TMEM135: variants seen among roughly 807,000 people sequenced by gnomAD.
The protein encoded by TMEM135 is peroxisomal membrane protein 52.
A neutral mutation model predicts 60.3 loss-of-function variants in TMEM135; 30 were observed. That is an observed-to-expected ratio of 0.50 (90% CI 0.37 to 0.68). The LOEUF is 0.68. Among genes scored for constraint, TMEM135 ranks in the 30% least tolerant of loss-of-function variants. The probability of loss-of-function intolerance (pLI) is 0.00; values close to 1 mark genes in which losing one functional copy is unlikely to be tolerated. For synonymous variants in TMEM135, 190 were observed against 186.7 expected (o/e 1.02, Z -0.14); for missense variants, 468 against 548.8 (o/e 0.85, Z 1.47).
chr11:87,075,167 TA>T (rs1856844822), intron 3 of TMEM135, among the ~76,000 whole-genome samples: 1 of 152,128 alleles, frequency 6.6e-6, no homozygotes, highest in Non-Finnish European at 1.5e-5. Flanking sequence ...TTAATTAGTT[TA>T]TTTTTTTTGA....
At chr11:87,072,421 C>T (rs535543356) in intron 3 of TMEM135, among the ~76,000 whole-genome samples, 3 of 152,190 alleles carry the variant, frequency 2.0e-5, no homozygotes, top group Admixed American at 6.5e-5. Context: ...TGCTCTGTTG[C>T]GCAGGCTGGA....
intron 4 of TMEM135, among the ~76,000 whole-genome samples, chr11:87,130,215 C>T (rs914912024): frequency 1.3e-5 from 2 of 150,840 alleles, no homozygotes; most frequent in Non-Finnish European, 2.9e-5. Context: ...GTACCAGTTC[C>T]AGGATTCAGT....
chr11:87,080,935 C>G (rs771578942), intron 3 of TMEM135, among the ~76,000 whole-genome samples: 25 of 152,212 alleles, frequency 1.6e-4, no homozygotes, highest in Non-Finnish European at 2.9e-4. Flanking sequence ...ATCCACACGC[C>G]TTGGCCTCCC....
chr11:87,085,582 C>A (rs1857080015), intron 3 of TMEM135, among the ~76,000 whole-genome samples: 2 of 152,016 alleles, frequency 1.3e-5, no homozygotes, highest in South Asian at 2.1e-4. Context: ...CATGGTGAAA[C>A]CTTGCTCTAC....
At chr11:87,168,753 A>G (rs1054988699) in intron 5 of TMEM135, among the ~76,000 whole-genome samples, 10 of 152,144 alleles carry the variant, frequency 6.6e-5, no homozygotes, top group South Asian at 2.1e-4. Flanking sequence ...AAGAAGTTCT[A>G]TGTGGTGCTG....
intron 5 of TMEM135, among the ~76,000 whole-genome samples, chr11:87,189,917 T>G (rs1939756693): frequency 6.6e-6 from 1 of 151,780 alleles, no homozygotes; most frequent in Admixed American, 6.6e-5. Context: ...TCCTGTCTCA[T>G]AATGAATGAA....
chr11:87,064,004 C>A (rs920355114), intron 1 of TMEM135, among the ~76,000 whole-genome samples: 2 of 152,080 alleles, frequency 1.3e-5, no homozygotes, highest in African/African-American at 4.8e-5. Context: ...TTAATTATGT[C>A]TGGGTTATGG....
At chr11:87,070,655 A>AAC (rs1450194934) in intron 2 of TMEM135, among the ~76,000 whole-genome samples, 57 of 143,602 alleles carry the variant, frequency 4.0e-4, no homozygotes, top group African/African-American at 1.5e-3. Flanking sequence ...ACAACAACAA[A>AAC]AAACCAAACC....
At chr11:87,190,439 A>G (rs958399175) in intron 5 of TMEM135, among the ~76,000 whole-genome samples, 1 of 152,148 alleles carries the variant, frequency 6.6e-6, no homozygotes, top group African/African-American at 2.4e-5. Flanking sequence ...TTCTTTTTCA[A>G]TGGTGTTTTA....
chr11:87,180,463 G>T (rs1294117291), intron 5 of TMEM135, among the ~76,000 whole-genome samples: 1 of 152,082 alleles, frequency 6.6e-6, no homozygotes, highest in Non-Finnish European at 1.5e-5. Context: ...AAGATAAGGG[G>T]TCTAGGAGAC....
chr11:87,171,858 T>C (rs1181642202), intron 5 of TMEM135, among the ~76,000 whole-genome samples: 1 of 152,148 alleles, frequency 6.6e-6, no homozygotes, highest in Non-Finnish European at 1.5e-5. Flanking sequence ...GCACACAACC[T>C]AGATCCCTCC....
chr11:87,247,736 C>T (rs498123), intron 6 of TMEM135, among the ~76,000 whole-genome samples: 13,486 of 152,102 alleles, frequency 0.089, 761 homozygotes, highest in South Asian at 0.16. Context: ...GGGAGTGACC[C>T]GATTTTCCAG....
intron 4 of TMEM135, among the ~76,000 whole-genome samples, chr11:87,134,765 C>T (rs1027833825): frequency 2.6e-5 from 4 of 152,284 alleles, no homozygotes; most frequent in East Asian, 1.9e-4. Flanking sequence ...GGACTACAGG[C>T]GTGTGCAACT....
At chr11:87,141,669 A>G (rs1011450356) in intron 4 of TMEM135, among the ~76,000 whole-genome samples, 6 of 152,174 alleles carry the variant, frequency 3.9e-5, no homozygotes, top group African/African-American at 1.4e-4. Context: ...TTTTAGGTAG[A>G]AAGTTGTTCA....
At chr11:87,102,082 A>G (rs1195371026) in intron 4 of TMEM135, among the ~76,000 whole-genome samples, 1 of 152,232 alleles carries the variant, frequency 6.6e-6, no homozygotes, top group Non-Finnish European at 1.5e-5. Flanking sequence ...ATTCTCTGGC[A>G]GACACCAGCT....
chr11:87,185,577 A>G (rs1259167771), intron 5 of TMEM135, among the ~76,000 whole-genome samples: 1 of 152,136 alleles, frequency 6.6e-6, no homozygotes, highest in Non-Finnish European at 1.5e-5. Flanking sequence ...GACACATAAT[A>G]TCTGGTTGGC....
At chr11:87,197,163 A>G (rs1939979522) in intron 5 of TMEM135, among the ~76,000 whole-genome samples, 1 of 152,120 alleles carries the variant, frequency 6.6e-6, no homozygotes, top group African/African-American at 2.4e-5. Context: ...TCAGAGTATA[A>G]CAAATATTTT....
chr11:87,271,703 G>T (rs1486247246), intron 6 of TMEM135, among the ~76,000 whole-genome samples: 1 of 152,128 alleles, frequency 6.6e-6, no homozygotes, highest in East Asian at 1.9e-4. Context: ...GGAGGCCAAG[G>T]TAGGCAGATT....
chr11:87,134,817 G>T (rs1291395910), intron 4 of TMEM135, among the ~76,000 whole-genome samples: 1 of 152,106 alleles, frequency 6.6e-6, no homozygotes, highest in African/African-American at 2.4e-5. Context: ...AAGTGTCTAG[G>T]CTGTTTTCCA....
Sources: gnomAD v4.1 joint callset for allele counts (sites outside exome capture counted in the v4.1 genomes callset) on GRCh38, gnomAD v4.1.1 for gene constraint, MANE v1.5 for transcripts, NCBI Gene and HGNC (gene_info 2026-07-23, HGNC 2026-07-21) for gene names.